The following PCDHGA4 variants were observed in gnomAD, a reference collection of about 807,000 sequenced individuals.
PCDHGA4 encodes protocadherin gamma subfamily A, 4.
Under a neutral mutation model 54.6 loss-of-function variants are expected in PCDHGA4, and 38 were observed. The ratio of observed to expected loss-of-function variants is 0.70; its 90% CI spans 0.54 to 0.91. The LOEUF is 0.91. PCDHGA4 is among the 40% of genes least tolerant of loss of function. The pLI is 0.00. For synonymous variants in PCDHGA4, 511 were observed against 512.9 expected, an observed-to-expected ratio of 1.00 and a Z score of 0.05; for missense variants, 1,298 against 1,220.9, an observed-to-expected ratio of 1.06 and a Z score of -0.94.
chr5:141,408,463 G>T, intron 1 of PCDHGA4: 1 of 1,614,014 alleles, frequency 6.2e-7, no homozygotes, highest in Non-Finnish European at 8.5e-7. Context: ...TACTTGTGAA[G>T]AACCGAATAG....
chr5:141,446,289 G>T (rs1333286399), intron 1 of PCDHGA4, among the ~76,000 whole-genome samples: 1 of 152,112 alleles, frequency 6.6e-6, no homozygotes, highest in Non-Finnish European at 1.5e-5. Flanking sequence ...GATAAATGGG[G>T]AGCAGGGATT....
At chr5:141,385,259 A>G (rs1202101252) in intron 1 of PCDHGA4, 2 of 1,613,774 alleles carry the variant, frequency 1.2e-6, no homozygotes, top group Middle Eastern at 1.6e-4. Context: ...AGCTGTGAGA[A>G]AAATGATTCT....
intron 1 of PCDHGA4, chr5:141,371,206 A>T: frequency 6.2e-7 from 1 of 1,614,018 alleles, no homozygotes. Context: ...GACATGGATG[A>T]GGGCATCAAT....
chr5:141,365,441 G>A (rs749640886), intron 1 of PCDHGA4: 7 of 1,613,952 alleles, frequency 4.3e-6, no homozygotes, highest in East Asian at 2.2e-5. Flanking sequence ...GCTGTTTAGC[G>A]TACATGATGG....
intron 2 of PCDHGA4, among the ~76,000 whole-genome samples, chr5:141,503,132 CCT>C (rs1388312522): frequency 6.6e-6 from 1 of 151,994 alleles, no homozygotes; most frequent in Non-Finnish European, 1.5e-5. Flanking sequence ...TCTGGTAGCC[CCT>C]GACACAGCCC....
In PCDHGA4 at chr5:141,356,122, G is replaced by C; in HGVS notation, c.1015G>C (p.Asp339His). Residue 339 changes from aspartate (D) to histidine (H), a missense_variant, in exon 1 of 4, where the codon GAT becomes CAT. Asp to His is a moderately conservative substitution (Grantham distance 81). Transcript: ENST00000571252. The part of the protein sequence containing the change: ...SGDITILGGL[D>H]YEDSGFYDID... ...GGATATAACAATATTGGGGGGTCTA[G>C]ATTATGAGGACTCTGGATTCTATGA... 10 of 1,613,886 alleles carry C rather than the reference G, an allele frequency of 6.2e-6. No individual in the cohort carries two copies. Among genetic ancestry groups the C allele is most frequent in the African/African-American group, 1.3e-5 (1 of 75,056 alleles).
chr5:141,375,296 G>A lies in PCDHGA4; in HGVS notation c.2514+17675G>A, dbSNP rs1771320516. ...ATCAGTTGGCAATTATTATCGATTA[G>A]TGACAAATGCAGCTCTAGACCGGGA... On this transcript the variant is annotated intron_variant, in intron 1 of 3. Transcript: ENST00000571252. 5 of 1,613,828 alleles carry A rather than the reference G, an allele frequency of 3.1e-6. No homozygotes were observed. The South Asian group carries it at 4.4e-5, about 14-fold the overall frequency.
In PCDHGA4 at chr5:141,505,352, C is replaced by T. The variant is rs371829394; in HGVS notation, c.2574-41C>T. 1.5e-5 allele frequency: 25 copies of T among 1,613,302 alleles called. No individual in the cohort carries two copies. In the South Asian group the frequency reaches 2.7e-4, roughly 18 times the overall value. ...AGGACAGGAGGGGCATGAGCTGTGCCGGCCTGGGAGTCTGTGCTCACCATC... is the reference window on the plus strand; with the variant it reads ...AGGACAGGAGGGGCATGAGCTGTGCTGGCCTGGGAGTCTGTGCTCACCATC... On this transcript the variant is annotated intron_variant, in intron 2 of 3. Transcript: ENST00000571252.
rs1036126623 is a variant in PCDHGA4 at position 141,410,753 on chromosome 5, T to C, written c.2514+53132T>C. The stretch of plus-strand genomic sequence containing the variant: ...AGCTTTTTACAATATTTTCTCAATG[T>C]TTTTTCAATTATAGTTTTCACTATG... On this transcript the variant is annotated intron_variant, in intron 1 of 3. Coordinates refer to ENST00000571252, the MANE Select transcript of PCDHGA4 (RefSeq NM_018917.4). 2.4e-6 allele frequency: 3 copies of C among 1,229,812 alleles called. No homozygotes were observed. In the Admixed American group the frequency reaches 8.8e-5, roughly 36 times the overall value. The allele number at this position is 1,229,812 out of a possible 1,614,324, so 76.2% of individuals were successfully genotyped here. A position where few individuals can be genotyped will look rare whatever the true frequency, so the allele number is the denominator to read the frequency against.
chr5:141,486,175 C>T lies in PCDHGA4; in HGVS notation c.2515-8632C>T. ...GTTCTCCAGCCATGGAGCAACATTG[C>T]AGCCTTCGAGTGGATCTGCTGGACG... On this transcript the variant is annotated intron_variant, in intron 1 of 3. Transcript: ENST00000571252. The surrounding 1 kb of genome is among the most constrained non-coding windows in gnomAD (Gnocchi z 5.0). 1 of 1,614,210 alleles carries T rather than the reference C, an allele frequency of 6.2e-7. No individual in the cohort carries two copies.
intron 1 of PCDHGA4, chr5:141,441,867 GCCTGGCTA>G (rs2098280856): frequency 1.2e-5 from 4 of 345,682 alleles, no homozygotes; most frequent in Non-Finnish European, 2.3e-5. Flanking sequence ...ACGCCGCGGA[GCCTGGCTA>G]CCTGGTCACC....
intron 1 of PCDHGA4, chr5:141,427,868 C>T (rs1311930991): frequency 4.5e-6 from 7 of 1,559,298 alleles, no homozygotes; most frequent in African/African-American, 2.7e-5. Context: ...CCTTCGAGCT[C>T]ACGATGCAGG....
chr5:141,442,232 T>A (rs1303447766), intron 1 of PCDHGA4: 2 of 153,276 alleles, frequency 1.3e-5, no homozygotes, highest in Non-Finnish European at 2.9e-5. Context: ...TTCCTTTTTA[T>A]TCTTCCTGAT....
chr5:141,413,541 GATAGAA>G (rs2095653692), intron 1 of PCDHGA4: 1 of 1,613,904 alleles, frequency 6.2e-7, no homozygotes, highest in Non-Finnish European at 8.5e-7. Flanking sequence ...AACTTTTTGG[GATAGAA>G]ATAGAAGTAA....
At position 141,485,129 on chromosome 5, in the gene PCDHGA4, T is replaced by G. The variant is rs761201450; in HGVS notation, c.2515-9678T>G. 2.1e-6 allele frequency: 3 copies of G among 1,462,964 alleles called. No individual in the cohort carries two copies. Among genetic ancestry groups the G allele is most frequent in the Non-Finnish European group, 2.8e-6 (3 of 1,053,766 alleles). 90.6% of individuals were successfully genotyped at this position (1,462,964 alleles called of 1,614,324 possible). A position where few individuals can be genotyped will look rare whatever the true frequency, so the allele number is the denominator to read the frequency against. On this transcript the variant is annotated intron_variant, in intron 1 of 3. Coordinates refer to ENST00000571252, the MANE Select transcript of PCDHGA4 (RefSeq NM_018917.4). The surrounding 1 kb of genome is among the most constrained non-coding windows in gnomAD (Gnocchi z 5.7). ...TGTGGCTGTTTGGGGCGGGTCGGCT[T>G]CATCCGCGTCTCAGGAGCAAGTAGA...
intron 1 of PCDHGA4, chr5:141,360,312 GGACTTGCCAGCCCGGAAGC>G: frequency 6.2e-7 from 1 of 1,613,976 alleles, no homozygotes; most frequent in Non-Finnish European, 8.5e-7. Context: ...TCAGCGTCCG[GGACTTGCCAGCCCGGAAGC>G]TGCGGGTTAG....
In PCDHGA4 at chr5:141,364,898, A is replaced by T. The variant is rs201286149; in HGVS notation, c.2514+7277A>T. The T allele has an allele frequency of 1.1e-5, 18 of 1,613,800 alleles. No individual in the cohort carries two copies. In the African/African-American group the frequency reaches 2.1e-4, roughly 19 times the overall value. On this transcript the variant is annotated intron_variant, in intron 1 of 3. Transcript: ENST00000571252. ...TGTGGTAAGCGGAACTGATGGACAA[A>T]AGTATCCGGAGCTGGTGTTGGAACA...
At chr5:141,388,993 G>C (rs778336882) in intron 1 of PCDHGA4, 1 of 1,614,026 alleles carries the variant, frequency 6.2e-7, no homozygotes, top group South Asian at 1.1e-5. Context: ...CTCAAAGTCC[G>C]TGACAAGGAT....
chr5:141,408,344 G>A, intron 1 of PCDHGA4: 1 of 1,613,958 alleles, frequency 6.2e-7, no homozygotes, highest in East Asian at 2.2e-5. Flanking sequence ...CTCGGTGGTG[G>A]GGAACCTCGC....
Sources: gnomAD v4.1 joint callset for allele counts (sites outside exome capture counted in the v4.1 genomes callset) on GRCh38, gnomAD v4.1.1 for gene constraint, Gnocchi (gnomAD v3.1) non-coding constraint, MANE v1.5 for transcripts, NCBI Gene and HGNC (gene_info 2026-07-23, HGNC 2026-07-21) for gene names.